The following C1orf115 variants were observed in gnomAD, a reference collection of about 807,000 sequenced individuals.
The protein encoded by C1orf115 is required for drug-induced death protein 1.
In C1orf115, 14 loss-of-function variants were observed where a neutral mutation model predicts 12.5. The ratio of observed to expected loss-of-function variants is 1.12; its 90% CI spans 0.74 to 1.75. The LOEUF (loss-of-function observed/expected upper bound fraction) is 1.75. Ranked by LOEUF, C1orf115 falls within the 40% of genes most tolerant of loss-of-function variation. C1orf115 has a pLI of 0.00. For missense variants in C1orf115, 237 were observed against 220.8 expected (o/e 1.07, Z -0.46); for synonymous variants, 109 against 104.6 (o/e 1.04, Z -0.26).
At position 220,690,569 on chromosome 1, in the gene C1orf115, C is replaced by A; in HGVS notation, c.167C>A (p.Ala56Glu). The A allele has an allele frequency of 6.7e-7, 1 of 1,484,436 alleles. No homozygotes were observed. Among genetic ancestry groups the A allele is most frequent in the East Asian group, 2.8e-5 (1 of 35,340 alleles). 92.0% of individuals were successfully genotyped at this position (1,484,436 alleles called of 1,614,324 possible). A position where few individuals can be genotyped will look rare whatever the true frequency, so the allele number is the denominator to read the frequency against. ...GCGGCCGAGAGCGGGACGAGCGCGG[C>A]GGACGAGCGGGGCCCGGGGACCCGG... is the stretch of plus-strand genomic sequence containing the variant. ...EAAAESGTSAADERGPGTRGA... is the reference protein window; with the variant it reads ...EAAAESGTSAEDERGPGTRGA... Residue 56 changes from alanine to glutamate, a missense_variant, in exon 1 of 2, where the codon GCG (alanine) becomes GAG (glutamate). By Grantham distance (107) the Ala-to-Glu change is moderately radical. Transcript: ENST00000294889.
chr1:220,692,603 A>C (rs1480131146), intron 1 of C1orf115, among the ~76,000 whole-genome samples: 1 of 152,200 alleles, frequency 6.6e-6, no homozygotes. Context: ...AGGTCAACCC[A>C]TGGAGATGGA....
At position 220,698,572 on chromosome 1, in the gene C1orf115, A is replaced by G. The variant is rs903340296; in HGVS notation, c.*1841A>G. The G allele has an allele frequency of 2.0e-5, 3 of 152,254 alleles. No individual in the cohort carries two copies. The highest frequency in any genetic ancestry group is 4.4e-5 in the Non-Finnish European group (3 of 68,080). The allele number at this position is 152,254 out of a possible 1,614,324, so 9.4% of individuals were successfully genotyped here. On this transcript the variant is annotated 3_prime_UTR_variant, in exon 2 of 2. Coordinates refer to ENST00000294889, the MANE Select transcript of C1orf115 (RefSeq NM_024709.5). Reference sequence around the variant, plus strand: ...TCATAAGTGGAAGAAAAAGCCAAGCATAGTGAGTGGGAAAGAGAGTGAGAG... The same window carrying G: ...TCATAAGTGGAAGAAAAAGCCAAGCGTAGTGAGTGGGAAAGAGAGTGAGAG...
At chr1:220,694,333 C>T (rs900322546) in intron 1 of C1orf115, among the ~76,000 whole-genome samples, 2 of 152,172 alleles carry the variant, frequency 1.3e-5, no homozygotes, top group African/African-American at 4.8e-5. Context: ...CTCATTTACT[C>T]CTCTTAACAA....
rs888586612 is a variant in C1orf115, at chr1:220,690,434, C to A, written c.32C>A (p.Ala11Glu). The change falls in exon 1 of 2, where the codon GCG (alanine) becomes GAG (glutamate). Residue 11 changes from alanine (A) to glutamate (E), a missense_variant. Transcript: ENST00000294889. MTVGARLRSK[A>E]ESSLLRRGPR... is the part of the protein sequence containing the mutation. The stretch of plus-strand genomic sequence containing the variant: ...GTGGGAGCCAGGCTCCGAAGCAAGG[C>A]GGAGAGCAGCCTCCTGCGCCGCGGG... The A allele has an allele frequency of 4.2e-6, 6 of 1,442,684 alleles. No homozygotes were observed. The African/African-American group carries it at 6.0e-5, about 14-fold the overall frequency. The allele number at this position is 1,442,684 out of a possible 1,614,324, so 89.4% of individuals were successfully genotyped here.
At position 220,695,125 on chromosome 1, in the gene C1orf115, T is replaced by A. The variant is rs1670172333; in HGVS notation, c.310-1487T>A. On this transcript the variant is annotated intron_variant, in intron 1 of 1. Transcript: ENST00000294889. ...CATGACCAGACAGTCCCTCATGGGT[T>A]GGGGTAGGAGCCGGAGTCAGAGGGA... is the stretch of plus-strand genomic sequence containing the variant. Among the ~76,000 whole-genome samples, 4 of 152,046 alleles carry A rather than the reference T, an allele frequency of 2.6e-5. No individual in the cohort carries two copies. In the South Asian group the frequency reaches 8.3e-4, roughly 32 times the overall value.
chr1:220,692,014 T>C (rs1358432473), intron 1 of C1orf115, among the ~76,000 whole-genome samples: 2 of 152,134 alleles, frequency 1.3e-5, no homozygotes, highest in African/African-American at 4.8e-5. Flanking sequence ...CAAATCACGG[T>C]GACATGAAAA....
Position 220,690,382 on chromosome 1 carries a change from C to T in C1orf115, c.-21C>T. On this transcript the variant is annotated 5_prime_UTR_variant, in exon 1 of 2. Coordinates refer to ENST00000294889, the MANE Select transcript of C1orf115 (RefSeq NM_024709.5). ...GTTGGTGTCTTTGCGCTCGGACCTT[C>T]GCCAGAGGGGCCGGGACATCATGAC... is the stretch of plus-strand genomic sequence containing the variant. The T allele has an allele frequency of 7.2e-7, 1 of 1,389,662 alleles. No homozygotes were observed. Among genetic ancestry groups the T allele is most frequent in the African/African-American group, 1.5e-5 (1 of 65,796 alleles). 86.1% of individuals were successfully genotyped at this position (1,389,662 alleles called of 1,614,324 possible). A position where few individuals can be genotyped will look rare whatever the true frequency, so the allele number is the denominator to read the frequency against.
At chr1:220,694,271 T>G (rs541634353) in intron 1 of C1orf115, among the ~76,000 whole-genome samples, 1 of 152,224 alleles carries the variant, frequency 6.6e-6, no homozygotes, top group Non-Finnish European at 1.5e-5. Flanking sequence ...GGGGCACTTA[T>G]ACTGCCTGCA....
intron 1 of C1orf115, among the ~76,000 whole-genome samples, chr1:220,691,937 G>T (rs1034564869): frequency 6.6e-6 from 1 of 152,192 alleles, no homozygotes; most frequent in African/African-American, 2.4e-5. Context: ...CCCCCGGGGG[G>T]GCTTCAGGGC....
At position 220,698,403 on chromosome 1, in the gene C1orf115, G is replaced by A. The variant is rs1007258274; in HGVS notation, c.*1672G>A. The stretch of plus-strand genomic sequence containing the variant: ...GAAGATTCACTGGGACCCAATTCCT[G>A]CATTGTTAATATTTGTGAGGAAAAG... On this transcript the variant is annotated 3_prime_UTR_variant, in exon 2 of 2. Transcript: ENST00000294889. The A allele has an allele frequency of 6.6e-6, 1 of 152,246 alleles. No homozygotes were observed. Among genetic ancestry groups the A allele is most frequent in the Non-Finnish European group, 1.5e-5 (1 of 68,052 alleles). The allele number at this position is 152,246 out of a possible 1,614,324, so 9.4% of individuals were successfully genotyped here.
At position 220,698,573 on chromosome 1, in the gene C1orf115, T is replaced by A. The variant is rs1003167019; in HGVS notation, c.*1842T>A. ...CATAAGTGGAAGAAAAAGCCAAGCA[T>A]AGTGAGTGGGAAAGAGAGTGAGAGC... On this transcript the variant is annotated 3_prime_UTR_variant, in exon 2 of 2. Coordinates refer to ENST00000294889, the MANE Select transcript of C1orf115 (RefSeq NM_024709.5). The A allele has an allele frequency of 6.6e-6, 1 of 152,024 alleles. No homozygotes were observed. The highest frequency in any genetic ancestry group is 1.5e-5 in the Non-Finnish European group (1 of 68,046). The allele number at this position is 152,024 out of a possible 1,614,324, so 9.4% of individuals were successfully genotyped here.
intron 1 of C1orf115, 126 bp downstream of exon 1, chr1:220,690,837 C>T (rs1670091831): frequency 1.8e-6 from 2 of 1,140,492 alleles, no homozygotes; most frequent in Non-Finnish European, 2.4e-6. Context: ...CCTCCGCCCC[C>T]GCTCCCATTC....
chr1:220,690,522 G>A lies in C1orf115; in HGVS notation c.120G>A (p.Glu40=). 1 of 1,442,328 alleles carries A rather than the reference G, an allele frequency of 6.9e-7. No homozygotes were observed. The highest frequency in any genetic ancestry group is 9.1e-7 in the Non-Finnish European group (1 of 1,104,222). The allele number at this position is 1,442,328 out of a possible 1,614,324, so 89.3% of individuals were successfully genotyped here. The change falls in exon 1 of 2, where the codon GAG becomes GAA. Residue 40 remains glutamate (E), a synonymous_variant. Coordinates refer to ENST00000294889, the MANE Select transcript of C1orf115 (RefSeq NM_024709.5). ...CGGCCGCCATCCTGGAGCACCTGGA[G>A]TACGCGGACGAGGCGGAGGCGGCGG... ...EEAAAILEHL[E]YADEAEAAAE...
chr1:220,696,886 C>A lies in C1orf115; in HGVS notation c.*155C>A. 1 of 887,914 alleles carries A rather than the reference C, an allele frequency of 1.1e-6. No homozygotes were observed. The highest frequency in any genetic ancestry group is 1.6e-6 in the Non-Finnish European group (1 of 634,222). The allele number at this position is 887,914 out of a possible 1,614,324, so 55.0% of individuals were successfully genotyped here. On this transcript the variant is annotated 3_prime_UTR_variant, in exon 2 of 2. Coordinates refer to ENST00000294889, the MANE Select transcript of C1orf115 (RefSeq NM_024709.5). Reference sequence around the variant, plus strand: ...AATCACATTAGTATGATGAGTGAGTCATCCCTGCCCATCTGCTGAGCTTCT... The same window carrying A: ...AATCACATTAGTATGATGAGTGAGTAATCCCTGCCCATCTGCTGAGCTTCT...
At chr1:220,695,063 G>A (rs940801703) in intron 1 of C1orf115, among the ~76,000 whole-genome samples, 3 of 152,150 alleles carry the variant, frequency 2.0e-5, no homozygotes, top group Admixed American at 6.5e-5. Flanking sequence ...ACAGAAAAGC[G>A]TCCACTGGGT....
intron 1 of C1orf115, among the ~76,000 whole-genome samples, chr1:220,692,318 T>A (rs1196420705): frequency 6.6e-6 from 1 of 152,162 alleles, no homozygotes; most frequent in Non-Finnish European, 1.5e-5. Context: ...TGAAAACAGG[T>A]ACTCAAATCA....
chr1:220,692,469 G>A (rs1670127421), intron 1 of C1orf115, among the ~76,000 whole-genome samples: 1 of 152,166 alleles, frequency 6.6e-6, no homozygotes, highest in Admixed American at 6.5e-5. Context: ...ATAAAAGGAA[G>A]GAAATGTACT....
chr1:220,690,753 G>T, intron 1 of C1orf115, 42 bp downstream of exon 1: 3 of 1,543,168 alleles, frequency 1.9e-6, no homozygotes, highest in Non-Finnish European at 2.6e-6. Context: ...GCGCGGGTGT[G>T]GTGTCCCGCG....
In C1orf115 at chr1:220,690,660, G is replaced by T. The variant is rs748428279; in HGVS notation, c.258G>T (p.Pro86=). ...ERYEPLEEPA[P]SEQPRKRYRR... is the part of the protein sequence containing the mutation. Reference sequence around the variant, plus strand: ...ACGAGCCACTGGAGGAGCCGGCGCCGAGCGAGCAGCCCAGGAAGAGGTACC... The same window carrying T: ...ACGAGCCACTGGAGGAGCCGGCGCCTAGCGAGCAGCCCAGGAAGAGGTACC... Residue 86 remains proline (P), a synonymous_variant, in exon 1 of 2, where the codon CCG becomes CCT. Transcript: ENST00000294889. 1.4e-4 allele frequency: 223 copies of T among 1,593,224 alleles called. No homozygotes were observed. The highest frequency in any genetic ancestry group is 1.8e-4 in the Non-Finnish European group (216 of 1,171,488).
Sources: gnomAD v4.1 joint callset for allele counts (sites outside exome capture counted in the v4.1 genomes callset) on GRCh38, gnomAD v4.1.1 for gene constraint, MANE v1.5 for transcripts, NCBI Gene and HGNC (gene_info 2026-07-23, HGNC 2026-07-21) for gene names.